Variants in MYLK observed in about 807,000 individuals in gnomAD.
The protein encoded by MYLK is myosin light chain kinase, smooth muscle.
A neutral mutation model predicts 203.4 loss-of-function variants in MYLK; 106 were observed. The observed-to-expected ratio is 0.52, with a 90% CI of 0.45 to 0.61. MYLK has a LOEUF of 0.61. MYLK is among the 20% of genes least tolerant of loss of function. The pLI is 0.00. For synonymous variants in MYLK, 867 were observed against 959.5 expected (o/e 0.90, Z 1.78); for missense variants, 2,072 against 2,442.3 (o/e 0.85, Z 3.20).
chr3:123,636,489 C>A (rs773831569), intron 29 of MYLK, among the ~76,000 whole-genome samples: 1 of 152,232 alleles, frequency 6.6e-6, no homozygotes, highest in Non-Finnish European at 1.5e-5. Context: ...GAGGGGGACC[C>A]TGGGACCAAG....
intron 2 of MYLK, among the ~76,000 whole-genome samples, chr3:123,837,310 T>C (rs1253776635): frequency 1.3e-5 from 2 of 152,016 alleles, no homozygotes; most frequent in African/African-American, 4.8e-5. Context: ...GGATTACAGG[T>C]ATGAGCCACT....
chr3:123,680,392 A>G (rs1038084106), intron 20 of MYLK, among the ~76,000 whole-genome samples: 14 of 152,192 alleles, frequency 9.2e-5, no homozygotes, highest in African/African-American at 2.7e-4. Flanking sequence ...CATAGCCCCA[A>G]TTCACAGCCC....
At chr3:123,824,339 C>T (rs1489265762) in intron 3 of MYLK, among the ~76,000 whole-genome samples, 1 of 152,210 alleles carries the variant, frequency 6.6e-6, no homozygotes, top group Non-Finnish European at 1.5e-5. Flanking sequence ...ATCCATCCGC[C>T]TTGGTCTCCC....
Position 123,733,315 on chromosome 3 carries a change from G to A in MYLK, c.1310-213C>T, listed in dbSNP as rs183307868. 4.6e-5 allele frequency among the ~76,000 whole-genome samples: 7 copies of A among 152,246 alleles called. No homozygotes were observed. In the East Asian group the frequency reaches 5.8e-4, roughly 13 times the overall value. Reference sequence around the variant, plus strand: ...GGGCCTTGAGGAGGATGAATACAGCGTGATGGGCAAGGTCTCCAGGTTGGC... The same window carrying A: ...GGGCCTTGAGGAGGATGAATACAGCATGATGGGCAAGGTCTCCAGGTTGGC... On this transcript the variant is annotated intron_variant, in intron 10 of 33. Transcript: ENST00000360304.
At chr3:123,745,446 A>G (rs1350217805) in intron 5 of MYLK, among the ~76,000 whole-genome samples, 1 of 152,220 alleles carries the variant, frequency 6.6e-6, no homozygotes, top group Non-Finnish European at 1.5e-5. Context: ...AAAGGAATGA[A>G]AAAAGTCAAA....
intron 2 of MYLK, among the ~76,000 whole-genome samples, chr3:123,834,393 T>C (rs2066424199): frequency 6.6e-6 from 1 of 152,032 alleles, no homozygotes. Flanking sequence ...AAAAGGAAAA[T>C]AATAAAATAT....
intron 3 of MYLK, among the ~76,000 whole-genome samples, chr3:123,798,391 C>A (rs868078869): frequency 2.0e-5 from 3 of 152,058 alleles, no homozygotes; most frequent in Admixed American, 6.5e-5. Flanking sequence ...GCATGTGCCT[C>A]CCCCTTCTGC....
At chr3:123,791,082 C>G (rs1463390) in intron 4 of MYLK, among the ~76,000 whole-genome samples, 16 of 152,252 alleles carry the variant, frequency 1.1e-4, no homozygotes, top group African/African-American at 3.4e-4. Context: ...GGTTCCGTGA[C>G]GATTGAGCAC....
chr3:123,682,404 T>C, intron 19 of MYLK, 94 bp from the exon 20 acceptor site: 1 of 1,009,550 alleles, frequency 9.9e-7, no homozygotes, highest in Non-Finnish European at 1.5e-6. Flanking sequence ...GCCAAACTCC[T>C]CCCCAACTCT....
chr3:123,677,939 T>G (rs2060131866), intron 20 of MYLK, among the ~76,000 whole-genome samples: 1 of 89,166 alleles, frequency 1.1e-5, no homozygotes, highest in Admixed American at 1.3e-4. Context: ...ACACACAGAG[T>G]ACATCCTGAG....
chr3:123,765,325 G>A, intron 4 of MYLK, among the ~76,000 whole-genome samples: 1 of 152,082 alleles, frequency 6.6e-6, no homozygotes, highest in Non-Finnish European at 1.5e-5. Flanking sequence ...GAGGTCAGGG[G>A]TTCGAGACCA....
chr3:123,673,161 C>CTTT (rs761090869), intron 20 of MYLK, among the ~76,000 whole-genome samples: 5 of 136,960 alleles, frequency 3.7e-5, no homozygotes, highest in African/African-American at 1.4e-4. Flanking sequence ...TTTTTCTTTT[C>CTTT]TTTTTTTTTT....
intron 29 of MYLK, among the ~76,000 whole-genome samples, chr3:123,635,361 G>C (rs1181487590): frequency 1.3e-5 from 2 of 152,256 alleles, no homozygotes; most frequent in Non-Finnish European, 2.9e-5. Flanking sequence ...ACCGCTCTCT[G>C]TTGAGAGCCC....
intron 11 of MYLK, 44 bp from the exon 12 acceptor site, chr3:123,726,122 A>G (rs2108757793): frequency 6.2e-7 from 1 of 1,612,108 alleles, no homozygotes; most frequent in African/African-American, 1.3e-5. Context: ...CAGCTTGCCC[A>G]CTCTGGTGAT....
intron 4 of MYLK, among the ~76,000 whole-genome samples, chr3:123,756,595 T>C (rs1005964772): frequency 2.0e-5 from 3 of 152,214 alleles, no homozygotes; most frequent in Non-Finnish European, 4.4e-5. Context: ...CTTAGCTTCT[T>C]AGGGAAGATT....
At chr3:123,675,615 G>A (rs1452874285) in intron 20 of MYLK, among the ~76,000 whole-genome samples, 1 of 152,218 alleles carries the variant, frequency 6.6e-6, no homozygotes, top group Non-Finnish European at 1.5e-5. Flanking sequence ...GTCCCTGGAT[G>A]TCTGCCTCTC....
chr3:123,640,520 C>A lies in MYLK; in HGVS notation c.4620-16G>T. On this transcript the variant is annotated splice_polypyrimidine_tract_variant and intron_variant, in intron 27 of 33. Transcript: ENST00000360304. The surrounding 1 kb of genome is among the most constrained non-coding windows in gnomAD (Gnocchi z 4.3). ...TCCTGACACGCTGCGGGAACACGTG[C>A]ACGGGGTGGTCAGGCCACAGGCTCA... 6.2e-7 allele frequency: 1 copy of A among 1,613,370 alleles called. No homozygotes were observed. The highest frequency in any genetic ancestry group is 8.5e-7 in the Non-Finnish European group (1 of 1,179,970).
chr3:123,634,939 A>C (rs911820045), intron 29 of MYLK, among the ~76,000 whole-genome samples: 1 of 152,234 alleles, frequency 6.6e-6, no homozygotes, highest in Non-Finnish European at 1.5e-5. Flanking sequence ...ACAACCTACT[A>C]TCTCCTTTCA....
At chr3:123,818,515 C>T (rs1450329625) in intron 3 of MYLK, among the ~76,000 whole-genome samples, 1 of 152,068 alleles carries the variant, frequency 6.6e-6, no homozygotes, top group Non-Finnish European at 1.5e-5. Context: ...CACGGCAAAC[C>T]ACAACTCTAC....
Sources: allele counts gnomAD v4.1 joint callset (sites outside exome capture counted in the v4.1 genomes callset), GRCh38; gene constraint gnomAD v4.1.1; non-coding constraint Gnocchi (gnomAD v3.1); transcripts MANE v1.5; gene names NCBI Gene and HGNC (gene_info 2026-07-23, HGNC 2026-07-21).